Variants in DGLUCY observed in about 807,000 individuals in gnomAD.
The protein encoded by DGLUCY is D-glutamate cyclase.
DGLUCY carries 58 observed loss-of-function variants against 58.5 expected under a neutral mutation model. That is an observed-to-expected ratio of 0.99 (90% CI 0.80 to 1.23). The LOEUF is 1.23. DGLUCY is among the 50% of genes most tolerant of loss of function. DGLUCY has a pLI of 0.00. For missense variants in DGLUCY, 779 were observed against 784.7 expected (o/e 0.99, Z 0.09); for synonymous variants, 325 against 314.1 (o/e 1.03, Z -0.37).
intron 13 of DGLUCY, among the ~76,000 whole-genome samples, chr14:91,219,295 G>C (rs1420568620): frequency 6.6e-6 from 1 of 152,232 alleles, no homozygotes; most frequent in Non-Finnish European, 1.5e-5. Flanking sequence ...GCACTGAGCT[G>C]TCTTGAGGAG....
At chr14:91,113,705 G>C (rs1192625135), upstream of DGLUCY, among the ~76,000 whole-genome samples, 1 of 152,190 alleles carries the variant, frequency 6.6e-6, no homozygotes, top group Admixed American at 6.5e-5. Flanking sequence ...CCTGACCCTA[G>C]ATCTTCTGGA....
chr14:91,062,979 A>G (rs948181684), intron 1 of DGLUCY, among the ~76,000 whole-genome samples: 1 of 152,176 alleles, frequency 6.6e-6, no homozygotes, highest in African/African-American at 2.4e-5. Flanking sequence ...CCTTGCTCCT[A>G]TAGAGCCTAC....
intron 1 of DGLUCY, among the ~76,000 whole-genome samples, chr14:91,115,684 A>G (rs755883654): frequency 6.6e-6 from 1 of 152,224 alleles, no homozygotes; most frequent in Non-Finnish European, 1.5e-5. Flanking sequence ...TGCTGGGATT[A>G]TAGGCGTGAG....
intron 8 of DGLUCY, 113 bp downstream of exon 8, chr14:91,181,502 A>G (rs536700322): frequency 9.3e-7 from 1 of 1,071,204 alleles, no homozygotes; most frequent in South Asian, 1.6e-5. Context: ...TATCCACAGG[A>G]TGATTTTTTA....
intron 1 of DGLUCY, among the ~76,000 whole-genome samples, chr14:91,068,310 C>G (rs1473266016): frequency 1.3e-5 from 2 of 152,188 alleles, no homozygotes; most frequent in Non-Finnish European, 2.9e-5. Context: ...CCTGTGCCAA[C>G]CAGCACACAG....
At chr14:91,193,351 G>T (rs539748131) in intron 9 of DGLUCY, among the ~76,000 whole-genome samples, 1 of 152,174 alleles carries the variant, frequency 6.6e-6, no homozygotes, top group Non-Finnish European at 1.5e-5. Flanking sequence ...TCACCTGACA[G>T]CCTGGCTTGG....
At chr14:91,101,449 G>A (rs927801569) in intron 1 of DGLUCY, among the ~76,000 whole-genome samples, 1 of 152,200 alleles carries the variant, frequency 6.6e-6, no homozygotes, top group African/African-American at 2.4e-5. Flanking sequence ...ACCTCTTGGC[G>A]ATAGCCTGGC....
intron 13 of DGLUCY, among the ~76,000 whole-genome samples, chr14:91,223,054 C>A (rs1433879466): frequency 6.6e-6 from 1 of 152,232 alleles, no homozygotes; most frequent in African/African-American, 2.4e-5. Flanking sequence ...ACCCCACTTT[C>A]AAATTCCAAC....
intron 1 of DGLUCY, among the ~76,000 whole-genome samples, chr14:91,094,462 T>C (rs1046241991): frequency 1.4e-5 from 2 of 145,978 alleles, no homozygotes; most frequent in African/African-American, 5.0e-5. Flanking sequence ...CTACAGCCCA[T>C]GTGGAAACAG....
At chr14:91,137,588 G>A (rs1029247784) in intron 1 of DGLUCY, among the ~76,000 whole-genome samples, 68 of 151,100 alleles carry the variant, frequency 4.5e-4, no homozygotes, top group African/African-American at 1.7e-3. Flanking sequence ...GTACAGACGG[G>A]GTTTCACCAT....
intron 5 of DGLUCY, among the ~76,000 whole-genome samples, chr14:91,172,258 TG>T (rs1359981148): frequency 3.3e-5 from 5 of 152,054 alleles, no homozygotes; most frequent in Non-Finnish European, 7.4e-5. Context: ...TGGTTTTTTT[TG>T]GTAGAGACAG....
intron 1 of DGLUCY, among the ~76,000 whole-genome samples, chr14:91,074,214 T>G (rs188920043): frequency 7.1e-6 from 1 of 140,128 alleles, no homozygotes; most frequent in South Asian, 2.3e-4. Flanking sequence ...GAAGATCACA[T>G]GAGCCTAGGA....
chr14:91,180,238 A>T (rs2049093580), intron 7 of DGLUCY, among the ~76,000 whole-genome samples: 1 of 151,982 alleles, frequency 6.6e-6, no homozygotes, highest in Non-Finnish European at 1.5e-5. Flanking sequence ...GACAATAGCC[A>T]TATGAGGCAT....
At chr14:91,064,622 CAAAAAAAAAAAAAA>C (rs35830145) in intron 1 of DGLUCY, among the ~76,000 whole-genome samples, 1 of 57,616 alleles carries the variant, frequency 1.7e-5, no homozygotes, top group Non-Finnish European at 3.5e-5. Flanking sequence ...GACTCTGTCT[CAAAAAAAAAAAAAA>C]AAAAAAAGAA....
At chr14:91,185,629 AC>A (rs529917956) in intron 8 of DGLUCY, 176 of 151,208 alleles carry the variant, frequency 1.2e-3, no homozygotes, top group African/African-American at 3.9e-3. Context: ...AAACATTCTT[AC>A]CCAAGCTGAT....
intron 8 of DGLUCY, among the ~76,000 whole-genome samples, chr14:91,182,994 T>C (rs1018454801): frequency 3.3e-5 from 5 of 151,578 alleles, no homozygotes; most frequent in Non-Finnish European, 5.9e-5. Flanking sequence ...ATTTATTTTA[T>C]TTTATTTTAT....
In DGLUCY at chr14:91,181,245, G is replaced by A. The variant is rs755859087; in HGVS notation, c.790G>A (p.Ala264Thr). 10 of 1,614,144 alleles carry A rather than the reference G, an allele frequency of 6.2e-6. No homozygotes were observed. The highest frequency in any genetic ancestry group is 7.6e-6 in the Non-Finnish European group (9 of 1,180,030). Residue 264 changes from alanine (A) to threonine (T), a missense_variant, in exon 8 of 14, where the codon GCA (alanine) becomes ACA (threonine). Transcript: ENST00000256324. The part of the protein sequence containing the change: ...GCTVMTDLKD[A>T]KAPPGCLTPE... ...CACAGTTATGACTGACCTGAAGGAT[G>A]CAAAGGCTCCACCTGGTTGTCTCAC...
chr14:91,123,617 C>A (rs186860368), intron 1 of DGLUCY, among the ~76,000 whole-genome samples: 1 of 152,252 alleles, frequency 6.6e-6, no homozygotes, highest in East Asian at 1.9e-4. Flanking sequence ...GACAGGGTCT[C>A]ACTTTGTCCC....
chr14:91,098,479 A>C (rs1013126790), intron 1 of DGLUCY, among the ~76,000 whole-genome samples: 1 of 152,178 alleles, frequency 6.6e-6, no homozygotes, highest in Non-Finnish European at 1.5e-5. Context: ...TAAAATAATT[A>C]GGTGATGAGC....
Sources: gnomAD v4.1 joint callset for allele counts (sites outside exome capture counted in the v4.1 genomes callset) on GRCh38, gnomAD v4.1.1 for gene constraint, MANE v1.5 for transcripts, NCBI Gene and HGNC (gene_info 2026-07-23, HGNC 2026-07-21) for gene names.